Variants in RPS6KA2 observed in about 807,000 individuals in gnomAD.
The protein encoded by RPS6KA2 is ribosomal protein S6 kinase A2.
A neutral mutation model predicts 91.8 loss-of-function variants in RPS6KA2; 42 were observed. That is an observed-to-expected ratio of 0.46 (90% CI 0.36 to 0.59). The LOEUF (loss-of-function observed/expected upper bound fraction) is 0.59. RPS6KA2 is among the 20% of genes least tolerant of loss of function. RPS6KA2 has a pLI of 0.00. For missense variants in RPS6KA2, 798 were observed against 978.5 expected, an observed-to-expected ratio of 0.82 and a Z score of 2.46; for synonymous variants, 414 against 393.6, an observed-to-expected ratio of 1.05 and a Z score of -0.61.
Position 166,490,615 on chromosome 6 carries a change from G to A in RPS6KA2, c.818+56C>T. 1 of 1,176,736 alleles carries A rather than the reference G, an allele frequency of 8.5e-7. No individual in the cohort carries two copies. Among genetic ancestry groups the A allele is most frequent in the Non-Finnish European group, 1.3e-6 (1 of 798,022 alleles). 72.9% of individuals were successfully genotyped at this position (1,176,736 alleles called of 1,614,324 possible). A position where few individuals can be genotyped will look rare whatever the true frequency, so the allele number is the denominator to read the frequency against. On this transcript the variant is annotated intron_variant, in intron 9 of 20. Transcript: ENST00000265678. This position sits in a 1 kb window ranked among gnomAD's most constrained non-coding sequence, Gnocchi z 4.2. Reference sequence around the variant, plus strand: ...CACAGTTCCAGGTTCAGAGGCAGCAGCTCTTGATATCAGAAGGTGCTCGCA... The same window carrying A: ...CACAGTTCCAGGTTCAGAGGCAGCAACTCTTGATATCAGAAGGTGCTCGCA...
At chr6:166,850,031 C>T (rs1220740529) in intron 2 of RPS6KA2, among the ~76,000 whole-genome samples, 3 of 152,102 alleles carry the variant, frequency 2.0e-5, no homozygotes, top group South Asian at 4.2e-4. Context: ...GGAGCGGAGG[C>T]GTTTCCTTCT....
intron 2 of RPS6KA2, among the ~76,000 whole-genome samples, chr6:166,653,467 A>G (rs1037784408): frequency 6.6e-6 from 1 of 152,256 alleles, no homozygotes; most frequent in African/African-American, 2.4e-5. Flanking sequence ...AGACACGAGA[A>G]GACGGAATCG....
At chr6:166,413,288 G>A (rs921698482) in intron 20 of RPS6KA2, among the ~76,000 whole-genome samples, 4 of 152,172 alleles carry the variant, frequency 2.6e-5, no homozygotes, top group Non-Finnish European at 4.4e-5. Context: ...CTGGACTTTG[G>A]CCACTGTTGA....
intron 10 of RPS6KA2, among the ~76,000 whole-genome samples, chr6:166,485,722 C>G (rs1210244974): frequency 6.6e-6 from 1 of 152,016 alleles, no homozygotes; most frequent in Non-Finnish European, 1.5e-5. Flanking sequence ...CGGTGATGAA[C>G]GGGGGGGTCT....
chr6:166,714,272 G>A (rs1377159874), intron 2 of RPS6KA2, among the ~76,000 whole-genome samples: 1 of 152,178 alleles, frequency 6.6e-6, no homozygotes, highest in Non-Finnish European at 1.5e-5. Context: ...ATTGTGCTTG[G>A]GTTCTCATGA....
At chr6:166,642,223 T>G (rs906318568) in intron 2 of RPS6KA2, among the ~76,000 whole-genome samples, 6 of 152,164 alleles carry the variant, frequency 3.9e-5, no homozygotes, top group Admixed American at 2.0e-4. Flanking sequence ...AACAGCAATA[T>G]TGGAAGCTGA....
rs1346359859 is a variant in RPS6KA2 at position 166,427,251 on chromosome 6, AC to A, written c.1581+3201del. 7.3e-5 allele frequency among the ~76,000 whole-genome samples: 11 copies of A among 151,298 alleles called. No individual in the cohort carries two copies. The East Asian group carries it at 1.4e-3, about 19-fold the overall frequency. ...AAAAGGCCTTTGACAAAATTCAACA[AC>A]CCTTCATGCTAAAAACTCTCAATAA... On this transcript the variant is annotated intron_variant, in intron 16 of 20. Coordinates refer to ENST00000265678, the MANE Select transcript of RPS6KA2 (RefSeq NM_021135.6).
intron 2 of RPS6KA2, among the ~76,000 whole-genome samples, chr6:166,660,421 TGA>T (rs148446807): frequency 2.1e-4 from 32 of 149,640 alleles, no homozygotes; most frequent in Non-Finnish European, 3.0e-4. Context: ...TGTGTGTGTG[TGA>T]GAGAGAGAGA....
chr6:166,600,106 CA>C (rs1785680473), intron 1 of RPS6KA2, among the ~76,000 whole-genome samples: 1 of 152,156 alleles, frequency 6.6e-6, no homozygotes, highest in South Asian at 2.1e-4. Flanking sequence ...CTCTTGGGCC[CA>C]AACAATCCTC....
intron 1 of RPS6KA2, among the ~76,000 whole-genome samples, chr6:166,599,222 A>T (rs1275367213): frequency 6.6e-6 from 1 of 152,238 alleles, no homozygotes; most frequent in Admixed American, 6.5e-5. Flanking sequence ...GAGATTGGAA[A>T]TTAGCTTGAC....
At chr6:166,595,874 T>C (rs1199769096) in intron 1 of RPS6KA2, among the ~76,000 whole-genome samples, 3 of 152,270 alleles carry the variant, frequency 2.0e-5, no homozygotes, top group Admixed American at 2.0e-4. Context: ...CAGTCAGTCC[T>C]GAGCCAAGCA....
intron 1 of RPS6KA2, among the ~76,000 whole-genome samples, chr6:166,552,076 C>A (rs563005009): frequency 2.0e-5 from 3 of 152,182 alleles, no homozygotes; most frequent in Admixed American, 6.5e-5. Context: ...GGATTTCACC[C>A]GCCTAGAGAT....
At chr6:166,780,660 A>G (rs1778745696) in intron 2 of RPS6KA2, among the ~76,000 whole-genome samples, 2 of 152,340 alleles carry the variant, frequency 1.3e-5, no homozygotes, top group South Asian at 4.1e-4. Context: ...GGGAGGGGTC[A>G]GACTTGAAAT....
intron 1 of RPS6KA2, among the ~76,000 whole-genome samples, chr6:166,625,766 C>T (rs964591942): frequency 2.6e-5 from 4 of 152,160 alleles, no homozygotes; most frequent in Non-Finnish European, 4.4e-5. Context: ...ACTGGATTAA[C>T]AGTTTTGTTT....
intron 2 of RPS6KA2, among the ~76,000 whole-genome samples, chr6:166,780,233 G>A (rs922257291): frequency 6.6e-6 from 1 of 152,258 alleles, no homozygotes; most frequent in East Asian, 1.9e-4. Context: ...CCTGATTTGG[G>A]AAAGGGCCAT....
intron 2 of RPS6KA2, among the ~76,000 whole-genome samples, chr6:166,731,834 G>A (rs1242970411): frequency 6.6e-6 from 1 of 151,980 alleles, no homozygotes; most frequent in Admixed American, 6.6e-5. Context: ...TGTGTGGGGC[G>A]GTCCCATGGA....
intron 2 of RPS6KA2, among the ~76,000 whole-genome samples, chr6:166,713,208 A>T (rs1583042225): frequency 1.3e-5 from 2 of 152,090 alleles, no homozygotes; most frequent in African/African-American, 4.8e-5. Flanking sequence ...GGCGGAGGAA[A>T]CCCAGCTCCA....
At chr6:166,842,184 G>C (rs998937660) in intron 2 of RPS6KA2, among the ~76,000 whole-genome samples, 2 of 152,220 alleles carry the variant, frequency 1.3e-5, no homozygotes, top group African/African-American at 4.8e-5. Context: ...GGGTTCCCAA[G>C]CACAGTATCT....
At chr6:166,717,097 G>T (rs1185051882) in intron 2 of RPS6KA2, among the ~76,000 whole-genome samples, 1 of 152,172 alleles carries the variant, frequency 6.6e-6, no homozygotes. Context: ...TGCGAGTGGA[G>T]GCCACGCGCT....
Sources: gnomAD v4.1 joint callset for allele counts (sites outside exome capture counted in the v4.1 genomes callset) on GRCh38, gnomAD v4.1.1 for gene constraint, Gnocchi (gnomAD v3.1) non-coding constraint, MANE v1.5 for transcripts, NCBI Gene and HGNC (gene_info 2026-07-23, HGNC 2026-07-21) for gene names.